The following FCRL4 variants were observed in gnomAD, a reference collection of about 807,000 sequenced individuals.
FCRL4 encodes Fc receptor-like protein 4.
In FCRL4, 43 loss-of-function variants were observed where a neutral mutation model predicts 64.1. The ratio of observed to expected loss-of-function variants is 0.67; its 90% confidence interval spans 0.53 to 0.87. The LOEUF (loss-of-function observed/expected upper bound fraction) is 0.87, where lower values mean the gene tolerates loss of function less well. Ranked by LOEUF, FCRL4 falls within the 40% of genes least tolerant of loss-of-function variation. The pLI is 0.00. For missense variants in FCRL4, 656 were observed against 613.5 expected (o/e 1.07, Z -0.73); for synonymous variants, 253 against 239.8 (o/e 1.05, Z -0.51).
rs768819669 is a variant in FCRL4, at chr1:157,581,539, C to T, written c.1241G>A (p.Arg414Lys). ...VALLFHCWRR[R>K]KSGVGFLGDE... Reference sequence around the variant, plus strand: ...AAGAAAAGAGCACAAACCTGACTTCCTCCGACGCCAGCAGTGAAACAGCAG... The same window carrying T: ...AAGAAAAGAGCACAAACCTGACTTCTTCCGACGCCAGCAGTGAAACAGCAG... The change falls in exon 7 of 12, where the codon AGG becomes AAG. Residue 414 changes from arginine to lysine, a missense_variant. Arg to Lys is a conservative substitution (Grantham distance 26, BLOSUM62 2). Transcript: ENST00000271532. 1 of 1,613,844 alleles carries T rather than the reference C, an allele frequency of 6.2e-7. No individual in the cohort carries two copies. The highest frequency in any genetic ancestry group is 8.5e-7 in the Non-Finnish European group (1 of 1,179,866).
intron 3 of FCRL4, among the ~76,000 whole-genome samples, chr1:157,588,405 T>A (rs979291603): frequency 6.6e-6 from 1 of 152,132 alleles, no homozygotes; most frequent in Non-Finnish European, 1.5e-5. Context: ...TCTGACATGA[T>A]AGAGTACAGC....
In FCRL4 at chr1:157,575,443, C is replaced by A; in HGVS notation, c.*81G>T. On this transcript the variant is annotated 3_prime_UTR_variant, in exon 12 of 12. Coordinates refer to ENST00000271532, the MANE Select transcript of FCRL4 (RefSeq NM_031282.3). Reference sequence around the variant, plus strand: ...TGGAATGAGTTGATCATTCCAGGGGCCGCAAGGACTGCACTGGGCCTGGGA... The same window carrying A: ...TGGAATGAGTTGATCATTCCAGGGGACGCAAGGACTGCACTGGGCCTGGGA... 1 of 984,478 alleles carries A rather than the reference C, an allele frequency of 1.0e-6. No homozygotes were observed. Among genetic ancestry groups the A allele is most frequent in the Non-Finnish European group, 1.6e-6 (1 of 625,366 alleles). 61.0% of individuals were successfully genotyped at this position (984,478 alleles called of 1,614,324 possible). A position where few individuals can be genotyped will look rare whatever the true frequency, so the allele number is the denominator to read the frequency against.
In FCRL4 at chr1:157,596,772, C is replaced by T. The variant is rs538073693; in HGVS notation, c.32-424G>A. ...AGCTAATTTGGAACTCAAAATGAGA[C>T]AGACAGTAGAGGGTAGTAGTTAAAA... On this transcript the variant is annotated intron_variant, in intron 1 of 11. Coordinates refer to ENST00000271532, the MANE Select transcript of FCRL4 (RefSeq NM_031282.3). Among the ~76,000 whole-genome samples, 49 of 152,250 alleles carry T rather than the reference C, an allele frequency of 3.2e-4. No homozygotes were observed. In the South Asian group the frequency reaches 1.0e-2, roughly 31 times the overall value.
intron 6 of FCRL4, among the ~76,000 whole-genome samples, chr1:157,583,535 A>G (rs1328217297): frequency 2.0e-5 from 3 of 152,208 alleles, no homozygotes; most frequent in Non-Finnish European, 4.4e-5. Context: ...CCTTCTAAGA[A>G]GAAACACCAG....
intron 2 of FCRL4, among the ~76,000 whole-genome samples, chr1:157,590,458 T>C (rs958120289): frequency 1.3e-5 from 2 of 152,012 alleles, no homozygotes; most frequent in Admixed American, 1.3e-4. Flanking sequence ...CCATTTTTTT[T>C]CTTTGTAAAT....
chr1:157,579,843 T>C (rs906451751), intron 8 of FCRL4, among the ~76,000 whole-genome samples: 6 of 152,160 alleles, frequency 3.9e-5, no homozygotes, highest in Admixed American at 6.5e-5. Flanking sequence ...GACACTGACA[T>C]AGAAGGAGGA....
chr1:157,585,407 T>TTTCTTTCTTTCTTTCTTTCTTTCTTTCC (rs1652667902), intron 6 of FCRL4, among the ~76,000 whole-genome samples: 5 of 137,196 alleles, frequency 3.6e-5, no homozygotes, highest in African/African-American at 8.6e-5. Context: ...TCTTTCTTTC[T>TTTCTTTCTTTCTTTCTTTCTTTCTTTCC]TTCTTTCTTT....
chr1:157,591,896 T>C (rs1652847026), intron 2 of FCRL4, among the ~76,000 whole-genome samples: 1 of 152,118 alleles, frequency 6.6e-6, no homozygotes, highest in South Asian at 2.1e-4. Flanking sequence ...CCAAAATAGA[T>C]ATATAGACCA....
intron 6 of FCRL4, among the ~76,000 whole-genome samples, chr1:157,582,316 G>A (rs1022725251): frequency 2.0e-5 from 3 of 152,184 alleles, no homozygotes; most frequent in Admixed American, 6.5e-5. Context: ...GCCCTGTGCT[G>A]GGCATTGACC....
chr1:157,596,485 C>T (rs933099589), intron 1 of FCRL4, 137 bp from the exon 2 acceptor site: 36 of 983,512 alleles, frequency 3.7e-5, no homozygotes, highest in African/African-American at 8.1e-5. Context: ...CCCAGGGAAG[C>T]GGGGAAACAC....
intron 9 of FCRL4, 86 bp from the exon 10 acceptor site, chr1:157,578,628 C>G (rs975918733): frequency 1.4e-6 from 2 of 1,389,420 alleles, no homozygotes; most frequent in African/African-American, 2.9e-5. Flanking sequence ...CTCCACTCTT[C>G]TTGGACACAT....
chr1:157,580,419 A>T, intron 7 of FCRL4, 71 bp from the exon 8 acceptor site: 2 of 1,512,628 alleles, frequency 1.3e-6, no homozygotes, highest in Non-Finnish European at 9.2e-7. Context: ...ATGTAACAGG[A>T]GCTATCTAAG....
chr1:157,585,344 CTCT>C (rs1553276893), intron 6 of FCRL4, among the ~76,000 whole-genome samples: 1 of 81,276 alleles, frequency 1.2e-5, no homozygotes, highest in Non-Finnish European at 2.6e-5. Context: ...CTTTCTCTCT[CTCT>C]TTCTTTCTTT....
chr1:157,586,103 A>C lies in FCRL4; in HGVS notation c.1135+65T>G, dbSNP rs1652683966. The C allele has an allele frequency of 2.0e-6, 3 of 1,483,802 alleles. No individual in the cohort carries two copies. In the South Asian group the frequency reaches 3.8e-5, roughly 19 times the overall value. 91.9% of individuals were successfully genotyped at this position (1,483,802 alleles called of 1,614,324 possible). Reference sequence around the variant, plus strand: ...GCAGAGTCACAGGGTAATGTTAGCTATCCCCACCCTTAATTTGAGGAAGTT... The same window carrying C: ...GCAGAGTCACAGGGTAATGTTAGCTCTCCCCACCCTTAATTTGAGGAAGTT... On this transcript the variant is annotated intron_variant, in intron 6 of 11. Transcript: ENST00000271532.
intron 3 of FCRL4, among the ~76,000 whole-genome samples, chr1:157,588,373 G>A (rs760873695): frequency 1.8e-4 from 27 of 152,216 alleles, no homozygotes; most frequent in Non-Finnish European, 3.1e-4. Context: ...AATAAAAGCT[G>A]AGAGAAGGTG....
chr1:157,585,344 C>CTCTCTCTCTTTCTT (rs1386601138), intron 6 of FCRL4, among the ~76,000 whole-genome samples: 2 of 81,276 alleles, frequency 2.5e-5, no homozygotes, highest in African/African-American at 4.4e-5. Context: ...CTTTCTCTCT[C>CTCTCTCTCTTTCTT]TCTTTCTTTC....
rs565330977 is a variant in FCRL4 at position 157,596,117 on chromosome 1, C to T, written c.52+211G>A. On this transcript the variant is annotated intron_variant, in intron 2 of 11. Coordinates refer to ENST00000271532, the MANE Select transcript of FCRL4 (RefSeq NM_031282.3). ...ATATCCCAGGCCCTGCCATGTTTAGCCAGCACAATGGCAGTTTTGGTTTAA... is the reference window on the plus strand; with the variant it reads ...ATATCCCAGGCCCTGCCATGTTTAGTCAGCACAATGGCAGTTTTGGTTTAA... 8.5e-5 allele frequency among the ~76,000 whole-genome samples: 13 copies of T among 152,232 alleles called. No homozygotes were observed. In the East Asian group the frequency reaches 2.5e-3, roughly 29 times the overall value.
chr1:157,585,403 T>TTTCTTTCTTTC (rs1652666949), intron 6 of FCRL4, among the ~76,000 whole-genome samples: 1 of 136,440 alleles, frequency 7.3e-6, no homozygotes, highest in South Asian at 2.4e-4. Context: ...TCCTTCTTTC[T>TTTCTTTCTTTC]TTCTTTCTTT....
chr1:157,581,015 G>A (rs1652545829), intron 7 of FCRL4, among the ~76,000 whole-genome samples: 1 of 152,182 alleles, frequency 6.6e-6, no homozygotes, highest in African/African-American at 2.4e-5. Flanking sequence ...GAGGAGAGAG[G>A]GGCCACTGGA....
Sources: allele counts gnomAD v4.1 joint callset (sites outside exome capture counted in the v4.1 genomes callset), GRCh38; gene constraint gnomAD v4.1.1; transcripts MANE v1.5; gene names NCBI Gene and HGNC (gene_info 2026-07-23, HGNC 2026-07-21).